TRIM9: variants seen among roughly 807,000 people sequenced by gnomAD.
TRIM9 encodes the protein tripartite motif containing 9.
In TRIM9, 26 loss-of-function variants were observed where a neutral mutation model predicts 78.3. The observed-to-expected ratio is 0.33, with a 90% confidence interval of 0.24 to 0.46. The LOEUF (loss-of-function observed/expected upper bound fraction) is 0.46, where lower values mean the gene tolerates loss of function less well. TRIM9 is among the 20% of genes least tolerant of loss of function. The pLI is 1.00. For synonymous variants in TRIM9, 398 were observed against 416.5 expected, an observed-to-expected ratio of 0.96 and a Z score of 0.54; for missense variants, 787 against 1,036.4, an observed-to-expected ratio of 0.76 and a Z score of 3.30.
intron 1 of TRIM9, among the ~76,000 whole-genome samples, chr14:51,061,131 G>A (rs1464336329): frequency 6.6e-6 from 1 of 151,960 alleles, no homozygotes; most frequent in Non-Finnish European, 1.5e-5. Context: ...TTGGATTGTT[G>A]GCTGGGCGTG....
At chr14:51,067,780 T>C (rs8008731) in intron 1 of TRIM9, among the ~76,000 whole-genome samples, 41,415 of 152,078 alleles carry the variant, frequency 0.27, 6,471 homozygotes, top group East Asian at 0.52. Flanking sequence ...ACCTCCTTAC[T>C]ACTTCCTTCC....
rs147616033 is a variant in TRIM9, at chr14:51,017,744, T to A, written c.1041+5091A>T. 6.6e-5 allele frequency among the ~76,000 whole-genome samples: 10 copies of A among 152,350 alleles called. No individual in the cohort carries two copies. In the East Asian group the frequency reaches 1.9e-3, roughly 29 times the overall value. ...TAAGAGGTGTCACCCATATCTGGGTTGAAGCAAAGAGTACTAAGGAAGCTC... is the reference window on the plus strand; with the variant it reads ...TAAGAGGTGTCACCCATATCTGGGTAGAAGCAAAGAGTACTAAGGAAGCTC... On this transcript the variant is annotated intron_variant, in intron 3 of 12. Transcript: ENST00000684578.
chr14:51,071,387 G>GA (rs56726763), intron 1 of TRIM9, among the ~76,000 whole-genome samples: 3,043 of 115,834 alleles, frequency 0.026, 55 homozygotes, highest in African/African-American at 0.054. Context: ...AAAAAAAAAA[G>GA]AAAAAAAAAA....
chr14:51,045,789 T>C (rs1270452549), intron 1 of TRIM9, among the ~76,000 whole-genome samples: 1 of 152,204 alleles, frequency 6.6e-6, no homozygotes, highest in Middle Eastern at 3.2e-3. Context: ...TAATAAATAA[T>C]TTTTTTCATT....
At chr14:50,986,929 G>A (rs1322811912) in intron 7 of TRIM9, among the ~76,000 whole-genome samples, 1 of 152,208 alleles carries the variant, frequency 6.6e-6, no homozygotes, top group Non-Finnish European at 1.5e-5. Context: ...TCAGACTAAA[G>A]ACTTAACAAT....
At position 50,981,933 on chromosome 14, in the gene TRIM9, G is replaced by A; in HGVS notation, c.2029C>T (p.Pro677Ser). 4 of 1,614,166 alleles carry A rather than the reference G, an allele frequency of 2.5e-6. No homozygotes were observed. The highest frequency in any genetic ancestry group is 3.4e-6 in the Non-Finnish European group (4 of 1,180,030). The change falls in exon 11 of 13, where the codon CCT becomes TCT. Residue 677 changes from proline (P) to serine (S), a missense_variant. Physicochemically the swap from Pro to Ser is moderately conservative, Grantham distance 74. Around this residue, in one of 3 missense-constraint regions of TRIM9, gnomAD observed 421 missense variants for 514.3 expected, o/e 0.82. Transcript: ENST00000684578. Reference protein sequence around the residue: ...ELTVDRYDNHPDPAFGVARMD... With the variant: ...ELTVDRYDNHSDPAFGVARMD... ...CGAGCCACACCAAAGGCAGGATCAG[G>A]GTGGTTGTCATAGCGATCTACCGTG...
intron 5 of TRIM9, among the ~76,000 whole-genome samples, chr14:51,008,524 A>C (rs2056137348): frequency 6.6e-6 from 1 of 152,170 alleles, no homozygotes; most frequent in African/African-American, 2.4e-5. Flanking sequence ...TTCAGCCCCC[A>C]CCCAGAATCT....
intron 7 of TRIM9, chr14:50,996,101 T>C (rs2054176664): frequency 3.0e-6 from 3 of 985,322 alleles, no homozygotes; most frequent in African/African-American, 1.7e-5. Context: ...TATTTCATCA[T>C]GAGAAAATTA....
chr14:50,996,430 A>C, intron 7 of TRIM9: 1 of 985,470 alleles, frequency 1.0e-6, no homozygotes, highest in Non-Finnish European at 1.2e-6. Context: ...ATAAGTGCTC[A>C]GGCTGTTATG....
chr14:51,025,461 C>T, intron 1 of TRIM9, 101 bp from the exon 2 acceptor site: 1 of 1,006,248 alleles, frequency 9.9e-7, no homozygotes, highest in South Asian at 1.5e-5. Context: ...CCTCAGATTC[C>T]TCTTGTCTGA....
At chr14:51,048,775 G>A (rs896446947) in intron 1 of TRIM9, among the ~76,000 whole-genome samples, 7 of 152,032 alleles carry the variant, frequency 4.6e-5, no homozygotes, top group Non-Finnish European at 8.8e-5. Context: ...ACGAGGTCAG[G>A]AGATCGAGAC....
intron 1 of TRIM9, among the ~76,000 whole-genome samples, chr14:51,066,575 A>T (rs2061758649): frequency 6.6e-6 from 1 of 152,222 alleles, no homozygotes; most frequent in African/African-American, 2.4e-5. Flanking sequence ...CGAATCATGT[A>T]TATGAACTGT....
rs913570089 is a variant in TRIM9 at position 51,049,366 on chromosome 14, T to C, written c.823-24006A>G. Among the ~76,000 whole-genome samples, 6 of 152,126 alleles carry C rather than the reference T, an allele frequency of 3.9e-5. No individual in the cohort carries two copies. In the South Asian group the frequency reaches 1.2e-3, roughly 31 times the overall value. ...TGTGAATGCTTCTTAGCAGTTAGGG[T>C]CTGTGCGTGCAGTGGAGTCTTGCCT... On this transcript the variant is annotated intron_variant, in intron 1 of 12. Coordinates refer to ENST00000684578, the MANE Select transcript of TRIM9 (RefSeq NM_001387360.1).
At chr14:51,053,596 T>TTTTTTTTTTTTTTTTTTTTTAA (rs2060637244) in intron 1 of TRIM9, among the ~76,000 whole-genome samples, 1 of 56,460 alleles carries the variant, frequency 1.8e-5, no homozygotes, top group Non-Finnish European at 4.1e-5. Context: ...TTTTTTTTAA[T>TTTTTTTTTTTTTTTTTTTTTAA]TTTTTTTTTT....
intron 4 of TRIM9, 109 bp downstream of exon 4, chr14:51,010,275 T>A (rs768442936): frequency 1.3e-6 from 1 of 771,056 alleles, no homozygotes; most frequent in Non-Finnish European, 2.2e-6. Flanking sequence ...TAGGTTCTGT[T>A]ATTGAGGGAC....
chr14:51,069,399 G>A (rs1024933635), intron 1 of TRIM9, among the ~76,000 whole-genome samples: 1 of 152,106 alleles, frequency 6.6e-6, no homozygotes, highest in Non-Finnish European at 1.5e-5. Flanking sequence ...GTGGTGTAGG[G>A]ATGGATACAC....
At chr14:51,093,442 C>T (rs2064593622) in intron 1 of TRIM9, among the ~76,000 whole-genome samples, 2 of 152,228 alleles carry the variant, frequency 1.3e-5, no homozygotes, top group South Asian at 4.1e-4. Flanking sequence ...GTCTCAGGTC[C>T]CAACTCCGGA....
At chr14:50,991,143 C>T (rs1481816716) in intron 7 of TRIM9, among the ~76,000 whole-genome samples, 1 of 152,134 alleles carries the variant, frequency 6.6e-6, no homozygotes, top group Non-Finnish European at 1.5e-5. Flanking sequence ...AATACCATGG[C>T]ATTATTTATA....
intron 1 of TRIM9, among the ~76,000 whole-genome samples, chr14:51,072,741 T>G (rs142620382): frequency 1.3e-3 from 205 of 152,312 alleles, no homozygotes; most frequent in African/African-American, 3.9e-3. Flanking sequence ...TCTATTTGCA[T>G]TCGTACTGTT....
Sources: allele counts gnomAD v4.1 joint callset (sites outside exome capture counted in the v4.1 genomes callset), GRCh38; gene constraint gnomAD v4.1.1; regional missense constraint gnomAD v4.1.1; transcripts MANE v1.5; gene names NCBI Gene and HGNC (gene_info 2026-07-23, HGNC 2026-07-21).